The following ZNF385D variants were observed in gnomAD, a reference collection of about 807,000 sequenced individuals.
ZNF385D encodes zinc finger protein 385D.
A neutral mutation model predicts 35.8 loss-of-function variants in ZNF385D; 15 were observed. The ratio of observed to expected loss-of-function variants is 0.42; its 90% CI spans 0.28 to 0.64. ZNF385D has a LOEUF of 0.64. Among genes scored for constraint, ZNF385D ranks in the 30% least tolerant of loss-of-function variants. The pLI is 0.23. For missense variants in ZNF385D, 474 were observed against 494.6 expected (o/e 0.96, Z 0.39); for synonymous variants, 212 against 186.8 (o/e 1.13, Z -1.10).
chr3:21,996,823 C>G (rs573103297), intron 3 of ZNF385D, among the ~76,000 whole-genome samples: 1 of 152,154 alleles, frequency 6.6e-6, no homozygotes, highest in Non-Finnish European at 1.5e-5. Flanking sequence ...AGGATTAGCA[C>G]ATTCATTCAT....
intron 3 of ZNF385D, among the ~76,000 whole-genome samples, chr3:22,069,212 T>C (rs1383704855): frequency 6.6e-6 from 1 of 152,194 alleles, no homozygotes; most frequent in African/African-American, 2.4e-5. Flanking sequence ...CAACAGGGTC[T>C]GAGAAAATGA....
intron 3 of ZNF385D, among the ~76,000 whole-genome samples, chr3:21,530,680 C>CT: frequency 6.6e-6 from 1 of 152,020 alleles, no homozygotes; most frequent in Non-Finnish European, 1.5e-5. Context: ...GTTGATGTGT[C>CT]ATTCTAAGGA....
At chr3:22,334,096 T>C (rs1207950073) in intron 2 of ZNF385D, among the ~76,000 whole-genome samples, 1 of 152,230 alleles carries the variant, frequency 6.6e-6, no homozygotes, top group Non-Finnish European at 1.5e-5. Flanking sequence ...ATTTAATGCA[T>C]GTCTCTTATA....
intron 2 of ZNF385D, among the ~76,000 whole-genome samples, chr3:21,604,363 T>G (rs2064411831): frequency 6.6e-6 from 1 of 152,198 alleles, no homozygotes; most frequent in Non-Finnish European, 1.5e-5. Context: ...TTGTTTGGAT[T>G]AACAAGGCGC....
chr3:21,785,304 C>G (rs2125645536), intron 3 of ZNF385D, among the ~76,000 whole-genome samples: 1 of 152,204 alleles, frequency 6.6e-6, no homozygotes, highest in South Asian at 2.1e-4. Context: ...ATTTCATATA[C>G]ATGCACATTG....
chr3:21,992,107 G>A (rs1695185557), intron 3 of ZNF385D, among the ~76,000 whole-genome samples: 1 of 152,112 alleles, frequency 6.6e-6, no homozygotes, highest in Non-Finnish European at 1.5e-5. Context: ...AATGTATAAT[G>A]CCCAGCAATC....
chr3:21,945,071 G>T (rs1379343956), intron 3 of ZNF385D, among the ~76,000 whole-genome samples: 1 of 151,782 alleles, frequency 6.6e-6, no homozygotes, highest in African/African-American at 2.4e-5. Context: ...AATACTAAAT[G>T]CGTATATTCA....
intron 3 of ZNF385D, among the ~76,000 whole-genome samples, chr3:22,137,907 A>T (rs560475382): frequency 6.6e-5 from 10 of 152,072 alleles, no homozygotes; most frequent in Non-Finnish European, 7.4e-5. Context: ...ACATGATTGT[A>T]TATCTAGAAA....
In ZNF385D at chr3:22,242,089, G is replaced by C. The variant is rs190059175; in HGVS notation, c.107-73054C>G. On this transcript the variant is annotated intron_variant, in intron 2 of 5. Transcript: ENST00000494108. ...GGGGACTGTTGTGGGGTGGGGGAAG[G>C]GGGGAGGGATAGCACTGGGAGATAT... 4.6e-5 allele frequency among the ~76,000 whole-genome samples: 7 copies of C among 150,600 alleles called. No homozygotes were observed. The East Asian group carries it at 5.9e-4, about 13-fold the overall frequency.
At chr3:22,021,108 G>C (rs1697199256) in intron 3 of ZNF385D, among the ~76,000 whole-genome samples, 1 of 151,904 alleles carries the variant, frequency 6.6e-6, no homozygotes, top group Admixed American at 6.6e-5. Context: ...AGAGACGCAA[G>C]AGTGAGGGGG....
At chr3:22,080,890 ACACT>A (rs1160643757) in intron 3 of ZNF385D, among the ~76,000 whole-genome samples, 2 of 152,128 alleles carry the variant, frequency 1.3e-5, no homozygotes, top group African/African-American at 4.8e-5. Context: ...CACGAAACAG[ACACT>A]CACCAGACAC....
chr3:21,804,177 G>C (rs572733854), intron 3 of ZNF385D, among the ~76,000 whole-genome samples: 2 of 152,292 alleles, frequency 1.3e-5, no homozygotes, highest in East Asian at 3.9e-4. Flanking sequence ...GCACAAGTAT[G>C]ATGAAATGAA....
intron 3 of ZNF385D, among the ~76,000 whole-genome samples, chr3:22,067,242 C>G (rs112524349): frequency 3.3e-5 from 5 of 152,156 alleles, no homozygotes; most frequent in Non-Finnish European, 7.3e-5. Context: ...TCTTTTATGA[C>G]TGGAGACATT....
In ZNF385D at chr3:22,056,274, T is replaced by TAAA. The variant is rs1180609438; in HGVS notation, c.325+112540_325+112542dup. 8.2e-4 allele frequency among the ~76,000 whole-genome samples: 53 copies of TAAA among 64,904 alleles called. 4 individuals are homozygous for TAAA. The highest frequency in any genetic ancestry group is 1.4e-3 in the African/African-American group (23 of 16,362). 42.6% of individuals were successfully genotyped at this position (64,904 alleles called of 152,430 possible). ...ATGTACCCTAAAACTTAGAGTATAA[T>TAAA]AAAAAAAAAAAAAAAAAAAAAAAAA... On this transcript the variant is annotated intron_variant, in intron 3 of 5. Coordinates refer to the ZNF385D transcript ENST00000494108.
chr3:21,445,246 A>G (rs1702086417), intron 4 of ZNF385D, among the ~76,000 whole-genome samples: 1 of 152,224 alleles, frequency 6.6e-6, no homozygotes, highest in South Asian at 2.1e-4. Context: ...ACCTAAAAAG[A>G]AAGAAGCCAA....
At chr3:21,908,128 A>G (rs1456112043) in intron 3 of ZNF385D, among the ~76,000 whole-genome samples, 1 of 139,572 alleles carries the variant, frequency 7.2e-6, no homozygotes, top group South Asian at 2.4e-4. Flanking sequence ...ATATCTATCT[A>G]TCTATCTATC....
At chr3:22,123,300 T>C (rs190555570) in intron 3 of ZNF385D, among the ~76,000 whole-genome samples, 19 of 152,284 alleles carry the variant, frequency 1.2e-4, no homozygotes, top group Admixed American at 2.6e-4. Context: ...ACAAGTTATA[T>C]TTGAGATATT....
At chr3:21,521,112 C>T (rs1707874789) in intron 3 of ZNF385D, among the ~76,000 whole-genome samples, 1 of 152,190 alleles carries the variant, frequency 6.6e-6, no homozygotes, top group African/African-American at 2.4e-5. Context: ...CTTTTATGAA[C>T]TTGCCCCAGA....
intron 2 of ZNF385D, among the ~76,000 whole-genome samples, chr3:22,259,168 TAC>T (rs1559483794): frequency 1.3e-5 from 2 of 151,910 alleles, no homozygotes; most frequent in Non-Finnish European, 2.9e-5. Flanking sequence ...AGTACTGGTT[TAC>T]AGAGTTATAC....
Sources: gnomAD v4.1 joint callset for allele counts (sites outside exome capture counted in the v4.1 genomes callset) on GRCh38, gnomAD v4.1.1 for gene constraint, MANE v1.5 for transcripts, NCBI Gene and HGNC (gene_info 2026-07-23, HGNC 2026-07-21) for gene names.